The following PCDHA6 variants were observed in gnomAD, a reference collection of about 807,000 sequenced individuals.
PCDHA6 encodes the protein protocadherin alpha-6.
A neutral mutation model predicts 60.3 loss-of-function variants in PCDHA6; 55 were observed. The ratio of observed to expected loss-of-function variants is 0.91; its 90% CI spans 0.73 to 1.14. The LOEUF is 1.14. Among genes scored for constraint, PCDHA6 ranks in the 50% most tolerant of loss-of-function variants. The probability of loss-of-function intolerance (pLI) is 0.00; values close to 1 mark genes in which losing one functional copy is unlikely to be tolerated. For missense variants in PCDHA6, 1,327 were observed against 1,256.5 expected (o/e 1.06, Z -0.85); for synonymous variants, 652 against 557.9 (o/e 1.17, Z -2.38).
At chr5:140,937,836 T>C (rs2091788765) in intron 1 of PCDHA6, among the ~76,000 whole-genome samples, 1 of 150,366 alleles carries the variant, frequency 6.7e-6, no homozygotes, top group Non-Finnish European at 1.5e-5. Flanking sequence ...GGCATGAACC[T>C]GGAAGGCGGA....
At chr5:140,870,141 T>C in intron 1 of PCDHA6, 1 of 1,613,952 alleles carries the variant, frequency 6.2e-7, no homozygotes, top group Non-Finnish European at 8.5e-7. Flanking sequence ...ACGATAACTC[T>C]CCTGAAGTCG....
rs2150155911 is a variant in PCDHA6, at chr5:140,828,485, T to A, written c.394T>A (p.Leu132Met). Residue 132 changes from leucine to methionine, a missense_variant, in exon 1 of 4, where the codon TTG becomes ATG. Coordinates refer to ENST00000529310, the MANE Select transcript of PCDHA6 (RefSeq NM_018909.4). ...EVRDINDNPPLFPVEEQRVLI... is the reference protein window; with the variant it reads ...EVRDINDNPPMFPVEEQRVLI... ...GAGGGACATTAACGACAACCCGCCCTTGTTCCCGGTAGAGGAACAAAGAGT... is the reference window on the plus strand; with the variant it reads ...GAGGGACATTAACGACAACCCGCCCATGTTCCCGGTAGAGGAACAAAGAGT... The A allele has an allele frequency of 1.2e-6, 2 of 1,614,056 alleles. No homozygotes were observed. Among genetic ancestry groups the A allele is most frequent in the Admixed American group, 3.3e-5 (2 of 59,984 alleles).
chr5:140,839,259 C>CATGT (rs1776124164), intron 1 of PCDHA6, among the ~76,000 whole-genome samples: 1 of 152,020 alleles, frequency 6.6e-6, no homozygotes, highest in African/African-American at 2.4e-5. Flanking sequence ...TGCTTACATG[C>CATGT]ATGTATATTT....
chr5:141,009,938 G>T lies in PCDHA6; in HGVS notation c.*1G>T, dbSNP rs781826815. The T allele has an allele frequency of 6.6e-5, 106 of 1,600,570 alleles. No individual in the cohort carries two copies. The highest frequency in any genetic ancestry group is 8.9e-5 in the Non-Finnish European group (105 of 1,175,516). ...CACGACTGACAACAGTGACCAGTGA[G>T]GTCCTCAAATGGAAACAAGCCACTT... On this transcript the variant is annotated 3_prime_UTR_variant, in exon 4 of 4. Coordinates refer to ENST00000529310, the MANE Select transcript of PCDHA6 (RefSeq NM_018909.4).
intron 1 of PCDHA6, chr5:140,968,562 C>T (rs1210264786): frequency 4.3e-6 from 7 of 1,614,090 alleles, no homozygotes; most frequent in Non-Finnish European, 8.5e-7. Context: ...CGAACTGCCC[C>T]TGCTGGCTAC....
At chr5:141,003,982 G>A (rs914206731) in intron 3 of PCDHA6, among the ~76,000 whole-genome samples, 25 of 152,152 alleles carry the variant, frequency 1.6e-4, no homozygotes, top group African/African-American at 5.6e-4. Flanking sequence ...GGGACTTGCC[G>A]GAGATCCTAG....
intron 3 of PCDHA6, among the ~76,000 whole-genome samples, chr5:140,985,873 G>C (rs1210347898): frequency 1.3e-5 from 2 of 151,280 alleles, no homozygotes; most frequent in Non-Finnish European, 2.9e-5. Flanking sequence ...CTGAGTAGCT[G>C]GGACTACAGG....
intron 1 of PCDHA6, chr5:140,857,651 A>G (rs781834004): frequency 6.3e-7 from 1 of 1,596,558 alleles, no homozygotes; most frequent in South Asian, 1.1e-5. Context: ...GTTCCAGGTG[A>G]GCGCGCGCGA....
chr5:140,998,664 A>C (rs1204598567), intron 3 of PCDHA6, among the ~76,000 whole-genome samples: 1 of 151,936 alleles, frequency 6.6e-6, no homozygotes, highest in Non-Finnish European at 1.5e-5. Flanking sequence ...TCCTGGGTTC[A>C]AGTGATTCTC....
At chr5:140,959,259 C>G (rs781794121) in intron 1 of PCDHA6, among the ~76,000 whole-genome samples, 1 of 152,040 alleles carries the variant, frequency 6.6e-6, no homozygotes, top group African/African-American at 2.4e-5. Context: ...TGACTGTAGT[C>G]CCAGCTACCC....
In PCDHA6 at chr5:140,850,519, C is replaced by T. The variant is rs2150487298; in HGVS notation, c.2394+20034C>T. On this transcript the variant is annotated intron_variant, in intron 1 of 3. Coordinates refer to ENST00000529310, the MANE Select transcript of PCDHA6 (RefSeq NM_018909.4). ...GTGTCGCTGGTGGAGAGCGGCCAGG[C>T]GCCAAAGTCATCGTCGCGGGCGTCA... 675 of 1,598,240 alleles carry T rather than the reference C, an allele frequency of 4.2e-4. 26 individuals carry two copies. In the South Asian group the frequency reaches 6.8e-3, roughly 16 times the overall value.
At chr5:140,831,854 T>C (rs1358095738) in intron 1 of PCDHA6, among the ~76,000 whole-genome samples, 1 of 152,174 alleles carries the variant, frequency 6.6e-6, no homozygotes, top group Non-Finnish European at 1.5e-5. Context: ...GTCATAAAGC[T>C]TTAGTAAGTT....
rs376697527 is a variant in PCDHA6, at chr5:140,912,219, T to G, written c.2395-66730T>G. ...CCCAGATTGAGGGTAGATCTGCCTT[T>G]CCCAGTCCACTGACTCAAATGTTAA... On this transcript the variant is annotated intron_variant, in intron 1 of 3. Transcript: ENST00000529310. 4.3e-4 allele frequency among the ~76,000 whole-genome samples: 66 copies of G among 152,026 alleles called. 1 individual carries two copies. In the South Asian group the frequency reaches 0.013, roughly 30 times the overall value.
At position 140,853,718 on chromosome 5, in the gene PCDHA6, C is replaced by T. The variant is rs1472931739; in HGVS notation, c.2394+23233C>T. ...TGCTAACGCATTAGCATTAGCAGCA[C>T]CTAAGTCCTCATTGAATGTTCTGGT... is the stretch of plus-strand genomic sequence containing the variant. On this transcript the variant is annotated intron_variant, in intron 1 of 3. Transcript: ENST00000529310. 3 of 988,280 alleles carry T rather than the reference C, an allele frequency of 3.0e-6. No homozygotes were observed. The African/African-American group carries it at 5.3e-5, about 17-fold the overall frequency. 61.2% of individuals were successfully genotyped at this position (988,280 alleles called of 1,614,324 possible).
At chr5:140,854,384 C>T (rs1268523616) in intron 1 of PCDHA6, 1 of 155,336 alleles carries the variant, frequency 6.4e-6, no homozygotes, top group Non-Finnish European at 1.4e-5. Flanking sequence ...TAACTCATTA[C>T]ATTTTAATTC....
chr5:141,002,873 G>C (rs780574639), intron 3 of PCDHA6, among the ~76,000 whole-genome samples: 44 of 152,148 alleles, frequency 2.9e-4, no homozygotes, highest in Admixed American at 2.6e-4. Context: ...AAGTCCTCAA[G>C]AACAGAAAGA....
chr5:140,873,995 GT>G (rs1354813199), intron 1 of PCDHA6, among the ~76,000 whole-genome samples: 2 of 152,166 alleles, frequency 1.3e-5, no homozygotes, highest in African/African-American at 4.8e-5. Context: ...AGCATGTATG[GT>G]ACATTGACCA....
In PCDHA6 at chr5:140,929,359, C is replaced by T; in HGVS notation, c.2395-49590C>T. 3.3e-6 allele frequency: 5 copies of T among 1,522,308 alleles called. No homozygotes were observed. In the South Asian group the frequency reaches 6.6e-5, roughly 20 times the overall value. 94.3% of individuals were successfully genotyped at this position (1,522,308 alleles called of 1,614,324 possible). ...ATTTTATGGAATTTGATTCCTTTGG[C>T]CCGGAGATGGCTGCTAGCTGTGTTT... On this transcript the variant is annotated intron_variant, in intron 1 of 3. Transcript: ENST00000529310.
intron 3 of PCDHA6, among the ~76,000 whole-genome samples, chr5:140,988,057 C>T (rs557714672): frequency 6.6e-6 from 1 of 152,188 alleles, no homozygotes; most frequent in Non-Finnish European, 1.5e-5. Context: ...GCACTGTCAA[C>T]ATGAATTTTT....
Sources: gnomAD v4.1 joint callset for allele counts (sites outside exome capture counted in the v4.1 genomes callset) on GRCh38, gnomAD v4.1.1 for gene constraint, MANE v1.5 for transcripts, NCBI Gene and HGNC (gene_info 2026-07-23, HGNC 2026-07-21) for gene names.